DLGAP2: variants seen among roughly 807,000 people sequenced by gnomAD.
DLGAP2 encodes disks large-associated protein 2.
DLGAP2 carries 26 observed loss-of-function variants against 100.3 expected under a neutral mutation model. The observed-to-expected ratio is 0.26, with a 90% confidence interval of 0.19 to 0.36. DLGAP2 has a LOEUF of 0.36. Ranked by LOEUF, DLGAP2 falls within the 10% of genes least tolerant of loss-of-function variation. The pLI is 1.00. For synonymous variants in DLGAP2, 886 were observed against 630.1 expected (o/e 1.41, Z -6.08); for missense variants, 1,858 against 1,453.2 (o/e 1.28, Z -4.53).
chr8:1,630,596 G>T (rs1168820895), intron 7 of DLGAP2, among the ~76,000 whole-genome samples: 1 of 152,018 alleles, frequency 6.6e-6, no homozygotes, highest in Admixed American at 6.6e-5. Context: ...CAGCTACTCG[G>T]GAGGCCGAGG....
chr8:1,468,707 C>T (rs1269150004), intron 3 of DLGAP2, among the ~76,000 whole-genome samples: 1 of 152,162 alleles, frequency 6.6e-6, no homozygotes, highest in African/African-American at 2.4e-5. Context: ...CAGTGTAAAC[C>T]ACAGAAAGGC....
chr8:1,349,660 GTGTTTGAGGGA>G (rs1801661013), intron 3 of DLGAP2, among the ~76,000 whole-genome samples: 12 of 83,924 alleles, frequency 1.4e-4, no homozygotes, highest in Non-Finnish European at 1.8e-4. Context: ...GTAGGAAGGG[GTGTTTGAGGGA>G]GACTATCATG....
chr8:1,581,914 C>G (rs549223980), intron 6 of DLGAP2, among the ~76,000 whole-genome samples: 18 of 147,488 alleles, frequency 1.2e-4, no homozygotes, highest in African/African-American at 4.5e-4. Flanking sequence ...AGACAAAACA[C>G]CACACATCTA....
At chr8:1,639,012 G>A (rs1486098533) in intron 8 of DLGAP2, among the ~76,000 whole-genome samples, 1 of 152,196 alleles carries the variant, frequency 6.6e-6, no homozygotes, top group East Asian at 1.9e-4. Flanking sequence ...TTGGGATGAA[G>A]TGCCCAACAG....
intron 4 of DLGAP2, among the ~76,000 whole-genome samples, chr8:1,506,159 C>CCAT (rs1201421635): frequency 2.0e-5 from 3 of 152,140 alleles, no homozygotes; most frequent in African/African-American, 7.2e-5. Flanking sequence ...TTAAGTGCAC[C>CCAT]AATGTCTCAT....
chr8:1,337,426 GTGA>G (rs1189501545), intron 3 of DLGAP2, among the ~76,000 whole-genome samples: 10 of 26,232 alleles, frequency 3.8e-4, no homozygotes, highest in Non-Finnish European at 1.1e-3. Flanking sequence ...GAGGATGATG[GTGA>G]TGGTGATGAT....
intron 2 of DLGAP2, among the ~76,000 whole-genome samples, chr8:1,160,111 C>T (rs775373324): frequency 6.6e-6 from 1 of 152,352 alleles, no homozygotes; most frequent in South Asian, 2.1e-4. Flanking sequence ...GCTGACGCCG[C>T]GGCCCGTGGG....
intron 1 of DLGAP2, among the ~76,000 whole-genome samples, chr8:819,790 A>G (rs77100057): frequency 0.08 from 12,247 of 152,262 alleles, 650 homozygotes; most frequent in South Asian, 0.13. Flanking sequence ...AACATCATCA[A>G]GTACTTGGTG....
At chr8:1,036,675 G>A (rs139203420) in intron 2 of DLGAP2, among the ~76,000 whole-genome samples, 163 of 152,242 alleles carry the variant, frequency 1.1e-3, no homozygotes, top group African/African-American at 3.6e-3. Context: ...ACCCTAGAGA[G>A]CAGCTGTCGT....
At chr8:1,038,039 G>A (rs1444802710) in intron 2 of DLGAP2, among the ~76,000 whole-genome samples, 6 of 152,216 alleles carry the variant, frequency 3.9e-5, no homozygotes, top group South Asian at 2.1e-4. Flanking sequence ...TGGAGCCTGC[G>A]TGGGCAGTTG....
chr8:850,059 TAAAA>T (rs369727619), intron 1 of DLGAP2, among the ~76,000 whole-genome samples: 4 of 129,316 alleles, frequency 3.1e-5, no homozygotes, highest in East Asian at 4.4e-4. Flanking sequence ...GGAGACTGTC[TAAAA>T]AAAAAAAAAA....
chr8:836,610 G>T (rs1267666421), intron 1 of DLGAP2, among the ~76,000 whole-genome samples: 1 of 152,148 alleles, frequency 6.6e-6, no homozygotes, highest in Non-Finnish European at 1.5e-5. Flanking sequence ...TGGAGAACGC[G>T]GCCTGTGGGC....
chr8:1,694,885 A>G (rs7835556), intron 13 of DLGAP2, among the ~76,000 whole-genome samples: 86,298 of 151,772 alleles, frequency 0.57, 24,890 homozygotes, highest in East Asian at 0.68. Context: ...ACACCTTATC[A>G]TCTCTGAATG....
rs796360753 is a variant in DLGAP2 at position 840,630 on chromosome 8, C to T, written c.19-67282C>T. On this transcript the variant is annotated intron_variant, in intron 1 of 14. Transcript: ENST00000637795. ...TCTGCGAGCGCGTCCACACGGTGCA[C>T]GCCTGCATGTCTCCCTACACTCTGG... Among the ~76,000 whole-genome samples the T allele has an allele frequency of 6.5e-4, 49 of 75,342 alleles. 2 individuals are homozygous for T. Among genetic ancestry groups the T allele is most frequent in the Middle Eastern group, 6.3e-3 (1 of 160 alleles). 49.4% of individuals were successfully genotyped at this position (75,342 alleles called of 152,430 possible). A position where few individuals can be genotyped will look rare whatever the true frequency, so the allele number is the denominator to read the frequency against.
chr8:824,444 A>C lies in DLGAP2; in HGVS notation c.19-83468A>C, dbSNP rs1015747915. Among the ~76,000 whole-genome samples the C allele has an allele frequency of 3.9e-5, 6 of 152,312 alleles. No homozygotes were observed. The East Asian group carries it at 1.2e-3, about 29-fold the overall frequency. On this transcript the variant is annotated intron_variant, in intron 1 of 14. Transcript: ENST00000637795. ...TTTAGATGCTGCCAGGGTTCCCTGC[A>C]GGAAATGAGGGAGCGCGTTGGCTTA...
chr8:1,123,714 C>T (rs1180143379), intron 2 of DLGAP2, among the ~76,000 whole-genome samples: 3 of 152,074 alleles, frequency 2.0e-5, no homozygotes, highest in Non-Finnish European at 4.4e-5. Context: ...TTTTCTCCTC[C>T]TCCAGTTCCT....
chr8:1,167,762 A>G (rs927148190), intron 2 of DLGAP2, among the ~76,000 whole-genome samples: 14 of 152,178 alleles, frequency 9.2e-5, no homozygotes. Flanking sequence ...ACATTTGTTG[A>G]ACGTCTACAG....
At chr8:1,080,481 G>A (rs931417769) in intron 2 of DLGAP2, among the ~76,000 whole-genome samples, 1 of 152,228 alleles carries the variant, frequency 6.6e-6, no homozygotes, top group African/African-American at 2.4e-5. Flanking sequence ...AAAGCTGCAG[G>A]GATGCAGAGC....
chr8:963,229 C>A (rs78246242), intron 2 of DLGAP2, among the ~76,000 whole-genome samples: 1,944 of 151,700 alleles, frequency 0.013, 34 homozygotes, highest in African/African-American at 0.044. Flanking sequence ...GATGTAGCTT[C>A]GCCACCCCAC....
Sources: gnomAD v4.1 joint callset for allele counts (sites outside exome capture counted in the v4.1 genomes callset) on GRCh38, gnomAD v4.1.1 for gene constraint, MANE v1.5 for transcripts, NCBI Gene and HGNC (gene_info 2026-07-23, HGNC 2026-07-21) for gene names.